The following ULK4 variants were observed in gnomAD, a reference collection of about 807,000 sequenced individuals.
ULK4 encodes unc-51 like kinase 4, also known as inactive serine/threonine-protein kinase ULK4.
ULK4 carries 133 observed loss-of-function variants against 160.6 expected under a neutral mutation model. That is an observed-to-expected ratio of 0.83 (90% CI 0.72 to 0.96). The LOEUF is 0.96. Ranked by LOEUF, ULK4 falls within the 40% of genes least tolerant of loss-of-function variation. The pLI, the probability that ULK4 is intolerant of heterozygous loss-of-function variation, is 0.00. For missense variants in ULK4, 1,580 were observed against 1,499.5 expected, an observed-to-expected ratio of 1.05 and a Z score of -0.89; for synonymous variants, 534 against 539.8, an observed-to-expected ratio of 0.99 and a Z score of 0.15.
chr3:41,314,306 G>A (rs1462290824), intron 35 of ULK4, among the ~76,000 whole-genome samples: 3 of 152,142 alleles, frequency 2.0e-5, no homozygotes, highest in Admixed American at 2.0e-4. Context: ...CCCATCACCT[G>A]AACAGTGAAC....
intron 30 of ULK4, among the ~76,000 whole-genome samples, chr3:41,660,207 A>G (rs2035100113): frequency 6.6e-6 from 1 of 152,184 alleles, no homozygotes; most frequent in Non-Finnish European, 1.5e-5. Flanking sequence ...AGGCAGGAGA[A>G]TAGCTTGAAC....
intron 21 of ULK4, among the ~76,000 whole-genome samples, chr3:41,782,752 T>C (rs1377300614): frequency 6.6e-6 from 1 of 152,228 alleles, no homozygotes; most frequent in Admixed American, 6.5e-5. Flanking sequence ...AGTAACTTTA[T>C]TTAAAAGTTT....
intron 6 of ULK4, among the ~76,000 whole-genome samples, chr3:41,918,792 G>A (rs1018394891): frequency 5.3e-5 from 8 of 151,760 alleles, no homozygotes; most frequent in Non-Finnish European, 1.0e-4. Flanking sequence ...TAGTAGAGAT[G>A]GGGTTTCACC....
At chr3:41,786,109 A>G (rs770780830) in intron 21 of ULK4, among the ~76,000 whole-genome samples, 1 of 152,110 alleles carries the variant, frequency 6.6e-6, no homozygotes. Context: ...CCTAACAGTC[A>G]CTCTATCACA....
chr3:41,381,236 T>C (rs2081644514), intron 35 of ULK4, among the ~76,000 whole-genome samples: 1 of 152,222 alleles, frequency 6.6e-6, no homozygotes, highest in African/African-American at 2.4e-5. Context: ...TTCCCTCCAG[T>C]GATCTTGTCG....
At chr3:41,557,158 T>C (rs1012189005) in intron 32 of ULK4, among the ~76,000 whole-genome samples, 6 of 151,924 alleles carry the variant, frequency 3.9e-5, no homozygotes, top group Non-Finnish European at 5.9e-5. Context: ...AAAAAAGCAT[T>C]TGACAAATGT....
In ULK4 at chr3:41,627,646, C is replaced by T. The variant is rs148791269; in HGVS notation, c.3072-11929G>A. 1.4e-3 allele frequency among the ~76,000 whole-genome samples: 220 copies of T among 152,310 alleles called. 4 individuals carry two copies. In the East Asian group the frequency reaches 0.04, roughly 28 times the overall value. On this transcript the variant is annotated intron_variant, in intron 30 of 36. Coordinates refer to ENST00000301831, the MANE Select transcript of ULK4 (RefSeq NM_017886.4). Reference sequence around the variant, plus strand: ...TATGATTAACATTACTGAGCTCTTGCCATGGGCTAATCTTATAAACTCAAA... The same window carrying T: ...TATGATTAACATTACTGAGCTCTTGTCATGGGCTAATCTTATAAACTCAAA...
Position 41,935,215 on chromosome 3 carries a change from T to TA in ULK4, c.378+585_378+586insT, listed in dbSNP as rs1559660920. 9.4e-3 allele frequency among the ~76,000 whole-genome samples: 32 copies of TA among 3,420 alleles called. 1 individual carries two copies. The highest frequency in any genetic ancestry group is 0.11 in the South Asian group (2 of 18). 2.2% of individuals were successfully genotyped at this position (3,420 alleles called of 152,430 possible). ...TGTTTTTATTTATTTATTTATTTTT[T>TA]TTTTTTTTTTTTTTTTTTTTTTTTT... On this transcript the variant is annotated intron_variant, in intron 4 of 36. Transcript: ENST00000301831.
intron 22 of ULK4, among the ~76,000 whole-genome samples, chr3:41,732,413 G>A (rs6779381): frequency 0.13 from 20,384 of 151,870 alleles, 4,456 homozygotes; most frequent in African/African-American, 0.46. Flanking sequence ...CCACAATGAG[G>A]TATCACCTCA....
intron 34 of ULK4, among the ~76,000 whole-genome samples, chr3:41,405,086 A>G (rs9853911): frequency 0.58 from 87,802 of 151,958 alleles, 27,028 homozygotes; most frequent in African/African-American, 0.82. Flanking sequence ...CAGGTACTGA[A>G]TATAGCACTC....
At chr3:41,961,722 A>C (rs1700680913) in intron 1 of ULK4, among the ~76,000 whole-genome samples, 1 of 152,182 alleles carries the variant, frequency 6.6e-6, no homozygotes, top group Non-Finnish European at 1.5e-5. Flanking sequence ...GATGGCGTCC[A>C]TAAAGCACAT....
intron 34 of ULK4, among the ~76,000 whole-genome samples, chr3:41,411,175 C>T (rs182207722): frequency 1.3e-5 from 2 of 152,124 alleles, no homozygotes; most frequent in Admixed American, 6.5e-5. Context: ...TAAGGTCCCT[C>T]GAACATCTGA....
At chr3:41,565,762 CA>C (rs1293964109) in intron 32 of ULK4, among the ~76,000 whole-genome samples, 1 of 152,050 alleles carries the variant, frequency 6.6e-6, no homozygotes, top group Non-Finnish European at 1.5e-5. Flanking sequence ...AGACAGATAG[CA>C]ATCAGTCTAA....
At chr3:41,314,768 T>G (rs1662529242) in intron 35 of ULK4, among the ~76,000 whole-genome samples, 5 of 152,138 alleles carry the variant, frequency 3.3e-5, no homozygotes, top group Admixed American at 3.3e-4. Flanking sequence ...AGTGTAATTG[T>G]TCTATGTGTC....
chr3:41,647,546 CT>C (rs2034558186), intron 30 of ULK4, among the ~76,000 whole-genome samples: 1 of 152,188 alleles, frequency 6.6e-6, no homozygotes, highest in African/African-American at 2.4e-5. Flanking sequence ...CTGATCATTC[CT>C]CTGGAAGTTT....
intron 19 of ULK4, among the ~76,000 whole-genome samples, chr3:41,807,058 G>C (rs1346969089): frequency 1.3e-5 from 2 of 151,906 alleles, no homozygotes; most frequent in African/African-American, 4.8e-5. Context: ...ATCCCAGGAG[G>C]CAGAGGTTGC....
intron 22 of ULK4, among the ~76,000 whole-genome samples, chr3:41,730,298 C>A (rs189795564): frequency 2.0e-4 from 31 of 151,980 alleles, no homozygotes; most frequent in Admixed American, 1.7e-3. Flanking sequence ...TAAGTCAGAG[C>A]AGAAATAAAT....
At chr3:41,696,571 G>A (rs1183023831) in intron 27 of ULK4, among the ~76,000 whole-genome samples, 1 of 152,048 alleles carries the variant, frequency 6.6e-6, no homozygotes, top group Non-Finnish European at 1.5e-5. Context: ...GTGGTCCACT[G>A]GGCCCAGCTG....
chr3:41,841,280 C>T (rs185776511), intron 17 of ULK4, among the ~76,000 whole-genome samples: 4 of 137,162 alleles, frequency 2.9e-5, no homozygotes, highest in Admixed American at 7.2e-5. Flanking sequence ...CTGGCCGCCC[C>T]GTCTGGGAAG....
Sources: gnomAD v4.1 joint callset for allele counts (sites outside exome capture counted in the v4.1 genomes callset) on GRCh38, gnomAD v4.1.1 for gene constraint, MANE v1.5 for transcripts, NCBI Gene and HGNC (gene_info 2026-07-23, HGNC 2026-07-21) for gene names.